Variants in CLDN16 observed in about 807,000 individuals in gnomAD.
The protein encoded by CLDN16 is claudin 16.
Under a neutral mutation model 24.6 loss-of-function variants are expected in CLDN16, and 13 were observed. The observed-to-expected ratio is 0.53, with a 90% confidence interval of 0.34 to 0.84. The LOEUF (loss-of-function observed/expected upper bound fraction) is 0.84, where lower values mean the gene tolerates loss of function less well. Ranked by LOEUF, CLDN16 falls within the 40% of genes least tolerant of loss-of-function variation. The probability of loss-of-function intolerance (pLI) is 0.01; values close to 1 mark genes in which losing one functional copy is unlikely to be tolerated. For missense variants in CLDN16, 298 were observed against 292.7 expected (o/e 1.02, Z -0.13); for synonymous variants, 116 against 106.7 (o/e 1.09, Z -0.54).
chr3:190,327,070 G>A (rs1278055473), intron 1 of CLDN16, among the ~76,000 whole-genome samples: 1 of 152,074 alleles, frequency 6.6e-6, no homozygotes, highest in Admixed American at 6.6e-5. Context: ...GAGAGAGAGA[G>A]GAAGGGAGAG....
intron 1 of CLDN16, among the ~76,000 whole-genome samples, chr3:190,391,474 A>T (rs1202460275): frequency 6.6e-6 from 1 of 152,212 alleles, no homozygotes; most frequent in African/African-American, 2.4e-5. Context: ...TAAACGAAGT[A>T]TCATTGGGGA....
chr3:190,365,666 A>G (rs1004020890), intron 1 of CLDN16, among the ~76,000 whole-genome samples: 8 of 151,112 alleles, frequency 5.3e-5, no homozygotes, highest in Admixed American at 3.3e-4. Context: ...ACTCTCCCTT[A>G]GATATCTTTG....
At chr3:190,313,268 A>G in the CLDN16 span, 2 of 529,658 alleles carry the variant, frequency 3.8e-6, no homozygotes, top group Non-Finnish European at 6.7e-6. Flanking sequence ...CCAATATTTT[A>G]TGTTTCCAAC....
intron 2 of CLDN16, 24 bp downstream of exon 2, chr3:190,402,463 G>A: frequency 6.4e-7 from 1 of 1,553,510 alleles, no homozygotes; most frequent in Non-Finnish European, 8.9e-7. Flanking sequence ...AGAGCTCACT[G>A]CTTGCCAGGA....
the CLDN16 span, chr3:190,313,316 C>A: frequency 6.2e-5 from 27 of 435,224 alleles, no homozygotes; most frequent in African/African-American, 4.8e-4. Context: ...AATTAATGAT[C>A]TAATTGAATA....
At chr3:190,401,592 G>A (rs1718964439) in intron 1 of CLDN16, among the ~76,000 whole-genome samples, 1 of 152,144 alleles carries the variant, frequency 6.6e-6, no homozygotes, top group Non-Finnish European at 1.5e-5. Flanking sequence ...AGTATGAGAA[G>A]GTTCAGGGAA....
intron 3 of CLDN16, 50 bp downstream of exon 3, chr3:190,404,976 G>C: frequency 6.4e-7 from 1 of 1,570,122 alleles, no homozygotes; most frequent in South Asian, 1.1e-5. Flanking sequence ...TCTGCTAAGG[G>C]CTTGAGGTGA....
intron 1 of CLDN16, among the ~76,000 whole-genome samples, chr3:190,332,442 C>T (rs935396603): frequency 6.6e-6 from 1 of 152,142 alleles, no homozygotes; most frequent in African/African-American, 2.4e-5. Flanking sequence ...ACATTAATAA[C>T]ACCTTAAGTA....
At chr3:190,395,282 A>G (rs1718788812) in intron 1 of CLDN16, among the ~76,000 whole-genome samples, 1 of 152,074 alleles carries the variant, frequency 6.6e-6, no homozygotes, top group African/African-American at 2.4e-5. Context: ...AATAACCAGA[A>G]CTAAAACAAA....
At chr3:190,385,365 T>G (rs1240055827), upstream of CLDN16, among the ~76,000 whole-genome samples, 2 of 152,176 alleles carry the variant, frequency 1.3e-5, no homozygotes, top group Non-Finnish European at 2.9e-5. Flanking sequence ...CTCTATCAGT[T>G]TGCATGACTC....
chr3:190,319,939 G>C (rs1425768632), upstream of CLDN16, among the ~76,000 whole-genome samples: 1 of 152,144 alleles, frequency 6.6e-6, no homozygotes, highest in East Asian at 1.9e-4. Context: ...GTGAGTCAAG[G>C]GTCCCTCTTC....
In CLDN16 at chr3:190,380,196, C is replaced by T. The variant is rs367578356; in HGVS notation, n.306+5593C>T. On this transcript the variant is annotated intron_variant and non_coding_transcript_variant, in intron 3 of 4. Coordinates refer to the CLDN16 transcript ENST00000468220. ...TCCCTTCCTTCCTTTTCTTCCTTCC[C>T]TCCCTTCCTTCCTTCCTCCCTTCCT... 1.2e-3 allele frequency among the ~76,000 whole-genome samples: 40 copies of T among 33,018 alleles called. 7 individuals are homozygous for T. The highest frequency in any genetic ancestry group is 1.5e-3 in the Non-Finnish European group (27 of 18,290). 21.7% of individuals were successfully genotyped at this position (33,018 alleles called of 152,430 possible). A position where few individuals can be genotyped will look rare whatever the true frequency, so the allele number is the denominator to read the frequency against.
intron 1 of CLDN16, among the ~76,000 whole-genome samples, chr3:190,347,190 G>T (rs1717569459): frequency 6.6e-6 from 1 of 152,152 alleles, no homozygotes; most frequent in African/African-American, 2.4e-5. Flanking sequence ...CCATGATGAT[G>T]GTGGCAATGG....
At chr3:190,394,694 A>C (rs1360609023) in intron 1 of CLDN16, among the ~76,000 whole-genome samples, 1 of 152,150 alleles carries the variant, frequency 6.6e-6, no homozygotes, top group Non-Finnish European at 1.5e-5. Flanking sequence ...GCCTAGTAAC[A>C]CACTTAGCAT....
At chr3:190,292,412 C>T in the CLDN16 span, among the ~76,000 whole-genome samples, 1 of 152,156 alleles carries the variant, frequency 6.6e-6, no homozygotes, top group Non-Finnish European at 1.5e-5. Flanking sequence ...GCAGTATGGC[C>T]CTGAGCCCAG....
rs1442242355 is a variant in CLDN16 at position 190,411,259 on chromosome 3, A to C, written c.*1223A>C. 6.6e-6 allele frequency: 1 copy of C among 152,224 alleles called. No individual in the cohort carries two copies. Among genetic ancestry groups the C allele is most frequent in the Non-Finnish European group, 1.5e-5 (1 of 68,044 alleles). The allele number at this position is 152,224 out of a possible 1,614,324, so 9.4% of individuals were successfully genotyped here. ...TGGCAACAGAGCGAGACTCCATCTC[A>C]AAAAACAAAAATAAATAAATAAATA... is the stretch of plus-strand genomic sequence containing the variant. On this transcript the variant is annotated 3_prime_UTR_variant, in exon 5 of 5. Coordinates refer to ENST00000264734, the MANE Select transcript of CLDN16 (RefSeq NM_006580.4).
intron 3 of CLDN16, among the ~76,000 whole-genome samples, chr3:190,375,214 T>C (rs1160161459): frequency 6.6e-6 from 1 of 151,972 alleles, no homozygotes; most frequent in African/African-American, 2.4e-5. Flanking sequence ...TTCCTTAAGG[T>C]CAAAGAAATA....
chr3:190,397,317 T>A (rs1426545594), intron 1 of CLDN16, among the ~76,000 whole-genome samples: 5 of 146,798 alleles, frequency 3.4e-5, no homozygotes, highest in African/African-American at 9.8e-5. Flanking sequence ...TATCAATATA[T>A]AAGTTGCATG....
intron 2 of CLDN16, chr3:190,371,085 A>G (rs1363577248): frequency 6.3e-5 from 1 of 15,836 alleles, no homozygotes; most frequent in Non-Finnish European, 1.1e-4. Context: ...ATATAAATGT[A>G]TAAATATATA....
Sources: gnomAD v4.1 joint callset for allele counts (sites outside exome capture counted in the v4.1 genomes callset) on GRCh38, gnomAD v4.1.1 for gene constraint, MANE v1.5 for transcripts, NCBI Gene and HGNC (gene_info 2026-07-23, HGNC 2026-07-21) for gene names.